Variants in LARS2 observed in about 807,000 individuals in gnomAD.
LARS2 encodes the protein leucine--tRNA ligase, mitochondrial.
A neutral mutation model predicts 116.6 loss-of-function variants in LARS2; 81 were observed. The observed-to-expected ratio is 0.69, with a 90% CI of 0.58 to 0.84. LARS2 has a LOEUF of 0.84. LARS2 is among the 40% of genes least tolerant of loss of function. LARS2 has a pLI of 0.00. For missense variants in LARS2, 968 were observed against 1,114.5 expected (o/e 0.87, Z 1.87); for synonymous variants, 396 against 407.2 (o/e 0.97, Z 0.33).
Position 45,549,113 on chromosome 3 carries a change from A to G in LARS2, c.*1583A>G, listed in dbSNP as rs1290776867. 6.6e-6 allele frequency: 1 copy of G among 152,200 alleles called. No individual in the cohort carries two copies. Among genetic ancestry groups the G allele is most frequent in the African/African-American group, 2.4e-5 (1 of 41,448 alleles). The allele number at this position is 152,200 out of a possible 1,614,324, so 9.4% of individuals were successfully genotyped here. On this transcript the variant is annotated 3_prime_UTR_variant, in exon 22 of 22. Transcript: ENST00000645846. ...CCTCATGCCCAGATATTCCAATTTA[A>G]TTGGTCCATGGTGTGGCTTGAACAC...
At chr3:45,538,892 C>T (rs904708892) in intron 20 of LARS2, among the ~76,000 whole-genome samples, 2 of 152,120 alleles carry the variant, frequency 1.3e-5, no homozygotes, top group Admixed American at 6.5e-5. Context: ...GCTGTGTCAC[C>T]GAGGACACCG....
At chr3:45,407,478 C>T (rs1432930436) in intron 4 of LARS2, among the ~76,000 whole-genome samples, 1 of 152,178 alleles carries the variant, frequency 6.6e-6, no homozygotes, top group Non-Finnish European at 1.5e-5. Context: ...CTCCACATTC[C>T]CAGAGGAGGT....
chr3:45,435,598 C>T (rs901527340), intron 6 of LARS2, among the ~76,000 whole-genome samples: 1 of 150,566 alleles, frequency 6.6e-6, no homozygotes, highest in African/African-American at 2.4e-5. Context: ...CCTTCTCTTC[C>T]CTCCCTCCCT....
chr3:45,494,907 A>G (rs1699983600), intron 13 of LARS2, among the ~76,000 whole-genome samples: 1 of 152,186 alleles, frequency 6.6e-6, no homozygotes, highest in African/African-American at 2.4e-5. Context: ...ATCTCTACTA[A>G]AAATACAAAA....
intron 21 of LARS2, among the ~76,000 whole-genome samples, chr3:45,544,928 T>TA (rs1232224576): frequency 1.3e-5 from 2 of 151,672 alleles, no homozygotes; most frequent in Non-Finnish European, 2.9e-5. Flanking sequence ...GCAGAGGGCA[T>TA]AGGGCAGTGC....
chr3:45,524,172 G>T, intron 20 of LARS2, 64 bp downstream of exon 20: 1 of 1,099,624 alleles, frequency 9.1e-7, no homozygotes, highest in South Asian at 1.3e-5. Flanking sequence ...GCCTCTTTTT[G>T]AACATCATTC....
intron 1 of LARS2, among the ~76,000 whole-genome samples, chr3:45,389,863 A>G (rs1697910406): frequency 1.3e-5 from 2 of 152,200 alleles, no homozygotes. Flanking sequence ...GTGGAGGGGT[A>G]CTTGGAGTGG....
intron 16 of LARS2, among the ~76,000 whole-genome samples, chr3:45,514,533 G>A (rs1700342604): frequency 6.6e-6 from 1 of 152,110 alleles, no homozygotes; most frequent in African/African-American, 2.4e-5. Context: ...CTAAATTCAG[G>A]TGCACATAGA....
At chr3:45,510,456 C>T (rs750330131) in intron 15 of LARS2, among the ~76,000 whole-genome samples, 9 of 152,036 alleles carry the variant, frequency 5.9e-5, no homozygotes, top group Non-Finnish European at 1.0e-4. Flanking sequence ...GAAAGACAGG[C>T]AAGCAGCTTA....
chr3:45,396,483 G>C lies in LARS2; in HGVS notation c.234+1796G>C, dbSNP rs927905038. 2.0e-5 allele frequency among the ~76,000 whole-genome samples: 3 copies of C among 152,348 alleles called. No individual in the cohort carries two copies. The South Asian group carries it at 6.2e-4, about 32-fold the overall frequency. ...ATAAAAGATACACAAAGATCAGAAC[G>C]TGGTGTGTCTATCAGGACCTGAGAC... On this transcript the variant is annotated intron_variant, in intron 3 of 21. Transcript: ENST00000645846.
intron 18 of LARS2, among the ~76,000 whole-genome samples, chr3:45,519,973 A>G (rs1420298905): frequency 6.6e-6 from 1 of 152,262 alleles, no homozygotes; most frequent in Non-Finnish European, 1.5e-5. Flanking sequence ...CTAAGCACCT[A>G]CTATGAGAAC....
intron 6 of LARS2, among the ~76,000 whole-genome samples, chr3:45,445,612 G>A (rs1436404686): frequency 6.6e-6 from 1 of 152,224 alleles, no homozygotes; most frequent in East Asian, 1.9e-4. Flanking sequence ...AAAGCCCTTT[G>A]ACTGGCTGGT....
At chr3:45,390,496 T>C (rs1397578054) in intron 1 of LARS2, among the ~76,000 whole-genome samples, 1 of 150,638 alleles carries the variant, frequency 6.6e-6, no homozygotes, top group Non-Finnish European at 1.5e-5. Flanking sequence ...GTATATTTAG[T>C]AGAGACAGGG....
chr3:45,493,758 AC>A (rs1699964723), intron 13 of LARS2, among the ~76,000 whole-genome samples: 1 of 151,984 alleles, frequency 6.6e-6, no homozygotes, highest in Non-Finnish European at 1.5e-5. Context: ...CCTGCTTGCC[AC>A]GTAGCTTCTT....
At chr3:45,454,652 G>A (rs1877960) in intron 7 of LARS2, among the ~76,000 whole-genome samples, 87,051 of 152,104 alleles carry the variant, frequency 0.57, 28,212 homozygotes, top group East Asian at 0.7. Flanking sequence ...TCAGTAGGTG[G>A]TAGACAGCAT....
chr3:45,547,630 CA>C lies in LARS2; in HGVS notation c.*103del. On this transcript the variant is annotated 3_prime_UTR_variant, in exon 22 of 22. Transcript: ENST00000645846. ...TGCTGGCCCAGGGGAAGGGAAAAGA[CA>C]AATGTCTTGACTGTTGACCTCGGTC... 1 of 1,140,638 alleles carries C rather than the reference CA, an allele frequency of 8.8e-7. No individual in the cohort carries two copies. Among genetic ancestry groups the C allele is most frequent in the Non-Finnish European group, 1.3e-6 (1 of 795,936 alleles). The allele number at this position is 1,140,638 out of a possible 1,614,324, so 70.7% of individuals were successfully genotyped here.
At chr3:45,540,283 C>T (rs1205478251) in intron 20 of LARS2, among the ~76,000 whole-genome samples, 1 of 152,150 alleles carries the variant, frequency 6.6e-6, no homozygotes, top group Non-Finnish European at 1.5e-5. Flanking sequence ...AAAATGCTAT[C>T]TGGCTGAACG....
chr3:45,531,453 T>G (rs1052026453), intron 20 of LARS2, among the ~76,000 whole-genome samples: 2 of 152,150 alleles, frequency 1.3e-5, no homozygotes, highest in Admixed American at 1.3e-4. Flanking sequence ...TCTGGGCTTA[T>G]TGCAGCCTTG....
intron 13 of LARS2, among the ~76,000 whole-genome samples, chr3:45,493,972 A>G (rs1699967656): frequency 6.6e-6 from 1 of 152,122 alleles, no homozygotes; most frequent in African/African-American, 2.4e-5. Flanking sequence ...TTTTCTAATT[A>G]TTTCCCAAAG....
Sources: allele counts gnomAD v4.1 joint callset (sites outside exome capture counted in the v4.1 genomes callset), GRCh38; gene constraint gnomAD v4.1.1; transcripts MANE v1.5; gene names NCBI Gene and HGNC (gene_info 2026-07-23, HGNC 2026-07-21).